HK1: variants seen among roughly 807,000 people sequenced by gnomAD.
The protein encoded by HK1 is hexokinase-1.
HK1 carries 28 observed loss-of-function variants against 91.6 expected under a neutral mutation model. The ratio of observed to expected loss-of-function variants is 0.31; its 90% CI spans 0.23 to 0.42. The LOEUF (loss-of-function observed/expected upper bound fraction) is 0.42, where lower values mean the gene tolerates loss of function less well. HK1 is among the 10% of genes least tolerant of loss of function. The probability of loss-of-function intolerance (pLI) is 1.00; values close to 1 mark genes in which losing one functional copy is unlikely to be tolerated. For missense variants in HK1, 770 were observed against 1,219.8 expected (o/e 0.63, Z 5.49); for synonymous variants, 430 against 468.1 (o/e 0.92, Z 1.05).
intron 2 of HK1, among the ~76,000 whole-genome samples, chr10:69,285,501 G>T (rs911532527): frequency 2.0e-5 from 3 of 152,130 alleles, no homozygotes; most frequent in African/African-American, 7.2e-5. Flanking sequence ...AATGAATTGT[G>T]GATTTTTCTG....
intron 3 of HK1, among the ~76,000 whole-genome samples, chr10:69,292,595 G>C (rs1299152348): frequency 6.6e-6 from 1 of 152,190 alleles, no homozygotes; most frequent in East Asian, 1.9e-4. Flanking sequence ...CCCACTAATA[G>C]TGGGGAGGAA....
chr10:69,322,381 C>G (rs949560896), intron 1 of HK1, among the ~76,000 whole-genome samples: 1 of 152,058 alleles, frequency 6.6e-6, no homozygotes, highest in African/African-American at 2.4e-5. Flanking sequence ...GTCTGACTTC[C>G]CAGTTTGGAA....
intron 2 of HK1, among the ~76,000 whole-genome samples, chr10:69,344,791 A>T (rs1395794147): frequency 6.6e-6 from 1 of 152,040 alleles, no homozygotes; most frequent in Non-Finnish European, 1.5e-5. Flanking sequence ...TGTGGAGGTG[A>T]ATGCTGTGCT....
At chr10:69,302,542 G>C (rs1845927538) in intron 5 of HK1, among the ~76,000 whole-genome samples, 1 of 151,330 alleles carries the variant, frequency 6.6e-6, no homozygotes, top group African/African-American at 2.4e-5. Context: ...CAATTCAATG[G>C]GGAAAGAAAA....
rs368221972 is a variant in HK1, at chr10:69,300,777, A to G, written c.-58A>G. The G allele has an allele frequency of 1.7e-5, 27 of 1,589,780 alleles. No individual in the cohort carries two copies. In the African/African-American group the frequency reaches 3.9e-4, roughly 23 times the overall value. On this transcript the variant is annotated 5_prime_UTR_variant, in exon 5 of 22. Coordinates refer to the HK1 transcript ENST00000360289. ...TTTGTCTCTCTTTTCAGCATTGTTGATGCTCTTGAGAGCATCAGCCAGGAC... is the reference window on the plus strand; with the variant it reads ...TTTGTCTCTCTTTTCAGCATTGTTGGTGCTCTTGAGAGCATCAGCCAGGAC...
chr10:69,318,717 A>C, upstream of HK1: 1 of 751,514 alleles, frequency 1.3e-6, no homozygotes. Flanking sequence ...GGCGCGCCGC[A>C]ACCAATGGGC....
intron 2 of HK1, among the ~76,000 whole-genome samples, chr10:69,347,023 A>ACATTT (rs1455184013): frequency 2.0e-5 from 3 of 152,120 alleles, no homozygotes; most frequent in African/African-American, 7.2e-5. Context: ...CCAGATACTT[A>ACATTT]CATTTCCTCT....
chr10:69,295,156 C>A (rs1346971210), intron 3 of HK1, among the ~76,000 whole-genome samples: 1 of 152,128 alleles, frequency 6.6e-6, no homozygotes, highest in African/African-American at 2.4e-5. Context: ...TGCCTCCTTG[C>A]TCATCAGGGA....
chr10:69,314,544 GCTCT>G (rs1408149725), upstream of HK1, among the ~76,000 whole-genome samples: 3 of 152,176 alleles, frequency 2.0e-5, no homozygotes, highest in East Asian at 5.8e-4. Flanking sequence ...TCGTTTTTTC[GCTCT>G]CTTTGAGACC....
At chr10:69,274,927 G>A (rs978209880) in intron 1 of HK1, among the ~76,000 whole-genome samples, 1 of 152,034 alleles carries the variant, frequency 6.6e-6, no homozygotes, top group Non-Finnish European at 1.5e-5. Flanking sequence ...CCCATGCCGA[G>A]ACTCAACAAA....
intron 1 of HK1, chr10:69,338,639 A>C (rs1267378484): frequency 7.8e-7 from 1 of 1,287,996 alleles, no homozygotes; most frequent in East Asian, 5.6e-5. Context: ...GGTGATGTGG[A>C]GGCAGCACCT....
At chr10:69,357,220 A>G (rs1458753493) in intron 2 of HK1, among the ~76,000 whole-genome samples, 1 of 152,220 alleles carries the variant, frequency 6.6e-6, no homozygotes, top group East Asian at 1.9e-4. Flanking sequence ...AAACGTGTCC[A>G]CACAAAAACT....
At chr10:69,331,132 G>A (rs567612343) in intron 1 of HK1, among the ~76,000 whole-genome samples, 11 of 152,228 alleles carry the variant, frequency 7.2e-5, no homozygotes, top group Admixed American at 2.6e-4. Flanking sequence ...TGCCCGCCTC[G>A]GCCTCCCAAA....
At chr10:69,356,185 C>G (rs1849115323) in intron 2 of HK1, among the ~76,000 whole-genome samples, 1 of 152,164 alleles carries the variant, frequency 6.6e-6, no homozygotes, top group Non-Finnish European at 1.5e-5. Flanking sequence ...GCCTGTAATC[C>G]CAGCACTTTG....
chr10:69,272,057 T>G (rs1380333956), intron 1 of HK1, among the ~76,000 whole-genome samples: 2 of 151,928 alleles, frequency 1.3e-5, no homozygotes, highest in Admixed American at 1.3e-4. Context: ...AGAGACGGGG[T>G]TTTGCCATGT....
chr10:69,295,975 C>T (rs1482442335), intron 4 of HK1, among the ~76,000 whole-genome samples: 1 of 152,124 alleles, frequency 6.6e-6, no homozygotes, highest in Non-Finnish European at 1.5e-5. Context: ...CTTGGGGATG[C>T]ATGGTGTCCT....
In HK1 at chr10:69,318,860, C is replaced by G. The variant is rs1335742569; in HGVS notation, c.-88C>G. 4.0e-6 allele frequency: 6 copies of G among 1,498,364 alleles called. No individual in the cohort carries two copies. The African/African-American group carries it at 4.4e-5, about 11-fold the overall frequency. The allele number at this position is 1,498,364 out of a possible 1,614,324, so 92.8% of individuals were successfully genotyped here. ...GGGGAGGAGGAGGAGGAGGAGCCGC[C>G]GAGCAGCCGCCGGAGGACCACGGCT... On this transcript the variant is annotated 5_prime_UTR_variant, in exon 1 of 18. Coordinates refer to ENST00000359426, the MANE Select transcript of HK1 (RefSeq NM_000188.3).
chr10:69,282,453 C>T (rs1844797652), intron 1 of HK1: 1 of 152,254 alleles, frequency 6.6e-6, no homozygotes, highest in African/African-American at 2.4e-5. Context: ...GACGCTGGCG[C>T]AGGCTCAACC....
chr10:69,357,730 G>A (rs1339217417), intron 2 of HK1, among the ~76,000 whole-genome samples: 4 of 152,116 alleles, frequency 2.6e-5, no homozygotes, highest in Non-Finnish European at 5.9e-5. Context: ...TGGGATTACA[G>A]GCATGAGCCA....
Sources: gnomAD v4.1 joint callset for allele counts (sites outside exome capture counted in the v4.1 genomes callset) on GRCh38, gnomAD v4.1.1 for gene constraint, MANE v1.5 for transcripts, NCBI Gene and HGNC (gene_info 2026-07-23, HGNC 2026-07-21) for gene names.